Variants in KATNAL2 observed in about 807,000 individuals in gnomAD.
The protein encoded by KATNAL2 is katanin p60 ATPase-containing subunit A-like 2.
Under a neutral mutation model 76.3 loss-of-function variants are expected in KATNAL2, and 52 were observed. The ratio of observed to expected loss-of-function variants is 0.68; its 90% confidence interval spans 0.55 to 0.86. KATNAL2 has a LOEUF of 0.86. KATNAL2 is among the 40% of genes least tolerant of loss of function. The probability of loss-of-function intolerance (pLI) is 0.00; values close to 1 mark genes in which losing one functional copy is unlikely to be tolerated. For synonymous variants in KATNAL2, 243 were observed against 244.2 expected (o/e 1.00, Z 0.05); for missense variants, 660 against 668.9 (o/e 0.99, Z 0.15).
intron 6 of KATNAL2, among the ~76,000 whole-genome samples, chr18:47,056,639 C>A (rs539296643): frequency 6.6e-6 from 1 of 152,304 alleles, no homozygotes; most frequent in South Asian, 2.1e-4. Flanking sequence ...ATCCTCAGAA[C>A]CAATTTAAAA....
intron 15 of KATNAL2, among the ~76,000 whole-genome samples, chr18:47,092,490 G>A (rs1318038934): frequency 2.0e-5 from 3 of 151,958 alleles, no homozygotes; most frequent in Non-Finnish European, 4.4e-5. Flanking sequence ...CAGAGTGAGT[G>A]AGACTCCGTC....
intron 4 of KATNAL2, among the ~76,000 whole-genome samples, chr18:47,049,154 C>T (rs538924356): frequency 1.3e-5 from 2 of 152,302 alleles, no homozygotes; most frequent in East Asian, 1.9e-4. Context: ...TCTGCTCTTC[C>T]CTTTGCTAAT....
intron 3 of KATNAL2, chr18:47,034,044 A>T (rs1159594171): frequency 6.2e-7 from 1 of 1,614,096 alleles, no homozygotes; most frequent in Non-Finnish European, 8.5e-7. Context: ...GTTTATCTCC[A>T]AGTGCAGTGG....
chr18:47,034,506 T>A (rs1418524106), intron 3 of KATNAL2: 2 of 1,614,202 alleles, frequency 1.2e-6, no homozygotes, highest in South Asian at 1.1e-5. Context: ...AGGCCCCGCA[T>A]GATTTCTCCC....
intron 3 of KATNAL2, among the ~76,000 whole-genome samples, chr18:46,950,385 AGGACTGCACGT>A (rs1419126162): frequency 6.6e-6 from 1 of 152,160 alleles, no homozygotes; most frequent in Admixed American, 6.5e-5. Flanking sequence ...AGATATAAAG[AGGACTGCACGT>A]CCACAAGACA....
At chr18:46,933,378 A>C (rs1336760155) in intron 1 of KATNAL2, among the ~76,000 whole-genome samples, 2 of 152,318 alleles carry the variant, frequency 1.3e-5, no homozygotes, top group East Asian at 3.9e-4. Flanking sequence ...AAGAAATCTA[A>C]ATCTAGTGCC....
intron 4 of KATNAL2, among the ~76,000 whole-genome samples, chr18:47,051,633 AAGC>A (rs1366499578): frequency 6.6e-6 from 1 of 152,202 alleles, no homozygotes; most frequent in Non-Finnish European, 1.5e-5. Context: ...CATAGTATAG[AAGC>A]ATGGTGAGAC....
intron 3 of KATNAL2, among the ~76,000 whole-genome samples, chr18:46,954,326 CTTT>C (rs57075892): frequency 1.2e-3 from 144 of 121,118 alleles, no homozygotes; most frequent in Middle Eastern, 4.5e-3. Context: ...TCTTCTTCGT[CTTT>C]TTTTTTTTTT....
intron 3 of KATNAL2, among the ~76,000 whole-genome samples, chr18:47,039,152 G>A (rs1051517706): frequency 1.3e-5 from 2 of 151,968 alleles, no homozygotes; most frequent in African/African-American, 4.8e-5. Context: ...TATATATCAA[G>A]CCACAATTTT....
chr18:47,095,102 T>G (rs60422392), intron 15 of KATNAL2, among the ~76,000 whole-genome samples: 2 of 152,174 alleles, frequency 1.3e-5, no homozygotes, highest in Non-Finnish European at 2.9e-5. Flanking sequence ...CTCATTATTA[T>G]GCTTCCCAGC....
intron 15 of KATNAL2, among the ~76,000 whole-genome samples, chr18:47,092,488 G>A (rs2063043696): frequency 6.6e-6 from 1 of 152,052 alleles, no homozygotes; most frequent in Non-Finnish European, 1.5e-5. Flanking sequence ...GACAGAGTGA[G>A]TGAGACTCCG....
chr18:46,946,278 C>A lies in KATNAL2; in HGVS notation c.-288C>A. ...TTTTCCACGTCTAATGAGAACAGGT[C>A]TGATGTGAAAGGAATTGGAGGAGAA... On this transcript the variant is annotated 5_prime_UTR_variant, in exon 2 of 18. The change creates a new upstream start codon in the 5' untranslated region. Transcript: ENST00000683218. The A allele has an allele frequency of 9.2e-7, 1 of 1,083,626 alleles. No homozygotes were observed. The highest frequency in any genetic ancestry group is 2.6e-5 in the South Asian group (1 of 39,146). 67.1% of individuals were successfully genotyped at this position (1,083,626 alleles called of 1,614,324 possible). A position where few individuals can be genotyped will look rare whatever the true frequency, so the allele number is the denominator to read the frequency against.
chr18:46,926,359 G>A (rs2058729576), intron 1 of KATNAL2, among the ~76,000 whole-genome samples: 2 of 152,088 alleles, frequency 1.3e-5, no homozygotes, highest in South Asian at 4.2e-4. Flanking sequence ...AGTCATTCAG[G>A]AGCAGGTTGT....
At chr18:46,935,624 G>GA (rs1031662939) in intron 1 of KATNAL2, among the ~76,000 whole-genome samples, 12 of 149,976 alleles carry the variant, frequency 8.0e-5, no homozygotes, top group Admixed American at 4.0e-4. Flanking sequence ...CATTGAAAAA[G>GA]AAAAAAAAAG....
At chr18:46,930,296 T>C (rs2058865971) in intron 1 of KATNAL2, among the ~76,000 whole-genome samples, 1 of 152,240 alleles carries the variant, frequency 6.6e-6, no homozygotes, top group African/African-American at 2.4e-5. Flanking sequence ...AAGTTATCTC[T>C]ATATGCCTCT....
chr18:47,063,207 G>C, intron 9 of KATNAL2, 77 bp from the exon 10 acceptor site: 1 of 1,495,490 alleles, frequency 6.7e-7, no homozygotes, highest in Non-Finnish European at 9.3e-7. Context: ...GTTTCACCAA[G>C]ACCTGTGCAT....
intron 15 of KATNAL2, among the ~76,000 whole-genome samples, chr18:47,090,058 C>T (rs1282832037): frequency 6.6e-6 from 1 of 151,850 alleles, no homozygotes; most frequent in Non-Finnish European, 1.5e-5. Context: ...AAAGTGCTGG[C>T]AAGTGCTGGG....
At chr18:47,075,392 T>C in intron 14 of KATNAL2, 24 bp downstream of exon 14, 1 of 1,440,452 alleles carries the variant, frequency 6.9e-7, no homozygotes, top group South Asian at 1.6e-5. Context: ...TTGGGGTTTT[T>C]GTTGTTGTTG....
At chr18:46,946,743 G>C (rs1312780095) in intron 2 of KATNAL2, 111 bp from the exon 3 acceptor site, 2 of 1,148,004 alleles carry the variant, frequency 1.7e-6, no homozygotes, top group East Asian at 2.6e-5. Flanking sequence ...CCAGCGATTG[G>C]CGGGCGTGTC....
Sources: allele counts gnomAD v4.1 joint callset (sites outside exome capture counted in the v4.1 genomes callset), GRCh38; gene constraint gnomAD v4.1.1; transcripts MANE v1.5; gene names NCBI Gene and HGNC (gene_info 2026-07-23, HGNC 2026-07-21).